TRIQK: variants seen among roughly 807,000 people sequenced by gnomAD.
TRIQK encodes triple QxxK/R motif-containing protein.
TRIQK carries 10 observed loss-of-function variants against 10.8 expected under a neutral mutation model. That is an observed-to-expected ratio of 0.92 (90% CI 0.57 to 1.57). The LOEUF (loss-of-function observed/expected upper bound fraction) is 1.57, where lower values mean the gene tolerates loss of function less well. TRIQK is among the 40% of genes most tolerant of loss of function. The pLI is 0.00. For missense variants in TRIQK, 107 were observed against 97.7 expected, an observed-to-expected ratio of 1.09 and a Z score of -0.40; for synonymous variants, 33 against 33.7, an observed-to-expected ratio of 0.98 and a Z score of 0.07.
At chr8:92,997,961 T>TTATGG (rs1349557643) in intron 1 of TRIQK, among the ~76,000 whole-genome samples, 4 of 152,038 alleles carry the variant, frequency 2.6e-5, no homozygotes, top group Admixed American at 6.5e-5. Context: ...TTTAGAAGTG[T>TTATGG]TATGGTACTC....
At chr8:92,935,403 C>T (rs941314005) in intron 2 of TRIQK, among the ~76,000 whole-genome samples, 5 of 151,516 alleles carry the variant, frequency 3.3e-5, no homozygotes, top group Admixed American at 6.6e-5. Context: ...GAAAATTCAC[C>T]GTCTACATAT....
chr8:92,927,334 G>C (rs1810494788), intron 2 of TRIQK, among the ~76,000 whole-genome samples: 1 of 151,946 alleles, frequency 6.6e-6, no homozygotes, highest in African/African-American at 2.4e-5. Context: ...TCTAAAGGTA[G>C]AAAAGGAAGT....
intron 1 of TRIQK, among the ~76,000 whole-genome samples, chr8:92,957,302 T>G (rs1436767033): frequency 6.6e-6 from 1 of 151,758 alleles, no homozygotes; most frequent in East Asian, 1.9e-4. Flanking sequence ...ATAAAATTAA[T>G]GTATGTACAT....
At position 92,886,583 on chromosome 8, in the gene TRIQK, G is replaced by T. The variant is rs775469162; in HGVS notation, c.*39C>A. On this transcript the variant is annotated 3_prime_UTR_variant, in exon 5 of 5. Coordinates refer to ENST00000521988, the MANE Select transcript of TRIQK (RefSeq NM_001171797.2). ...AGTTTTGGTCCCAAAAGGTGCTTTC[G>T]TAAAGTTATTTCTCTTTCATGCATT... The T allele has an allele frequency of 2.9e-5, 39 of 1,333,226 alleles. No individual in the cohort carries two copies. The highest frequency in any genetic ancestry group is 3.8e-5 in the Non-Finnish European group (38 of 990,452). 82.6% of individuals were successfully genotyped at this position (1,333,226 alleles called of 1,614,324 possible).
upstream of TRIQK, among the ~76,000 whole-genome samples, chr8:92,968,132 T>C (rs1306820868): frequency 6.6e-6 from 1 of 152,158 alleles, no homozygotes; most frequent in Non-Finnish European, 1.5e-5. Context: ...TTCTAGCAAA[T>C]TGAAATATAA....
At chr8:92,896,770 T>C (rs891816234) in intron 3 of TRIQK, among the ~76,000 whole-genome samples, 1 of 152,120 alleles carries the variant, frequency 6.6e-6, no homozygotes, top group Non-Finnish European at 1.5e-5. Context: ...CCTTTTGGAA[T>C]GGGAATGTCT....
chr8:92,988,746 T>C (rs1813064556), intron 1 of TRIQK, among the ~76,000 whole-genome samples: 1 of 152,226 alleles, frequency 6.6e-6, no homozygotes, highest in African/African-American at 2.4e-5. Context: ...AGGATACTTA[T>C]CTCTCTTAAC....
intron 1 of TRIQK, among the ~76,000 whole-genome samples, chr8:92,991,353 G>T (rs1374988870): frequency 6.6e-6 from 1 of 152,210 alleles, no homozygotes; most frequent in African/African-American, 2.4e-5. Flanking sequence ...GTTCCTGCCT[G>T]CCAGCTCTGA....
intron 2 of TRIQK, chr8:92,922,727 A>C (rs2130498897): frequency 6.6e-6 from 1 of 151,880 alleles, no homozygotes; most frequent in South Asian, 2.1e-4. Context: ...AAAGAATCTA[A>C]ATTTTCAGAG....
upstream of TRIQK, among the ~76,000 whole-genome samples, chr8:92,969,370 G>A (rs748741390): frequency 3.2e-4 from 49 of 151,918 alleles, no homozygotes; most frequent in Non-Finnish European, 6.0e-4. Context: ...TAATTCCATT[G>A]TAGTTAGAAA....
At chr8:92,969,021 C>G (rs1260517499), upstream of TRIQK, among the ~76,000 whole-genome samples, 1 of 152,156 alleles carries the variant, frequency 6.6e-6, no homozygotes, top group Non-Finnish European at 1.5e-5. Flanking sequence ...CTGCATATAG[C>G]TAGCCAGTTT....
chr8:93,007,818 T>C (rs1813289457), intron 1 of TRIQK, among the ~76,000 whole-genome samples: 1 of 152,198 alleles, frequency 6.6e-6, no homozygotes, highest in Non-Finnish European at 1.5e-5. Flanking sequence ...ACAAGCAATC[T>C]AATCCCTGTC....
chr8:93,016,781 C>G (rs948170129), intron 1 of TRIQK, among the ~76,000 whole-genome samples: 1 of 152,060 alleles, frequency 6.6e-6, no homozygotes, highest in African/African-American at 2.4e-5. Context: ...GAGGCAGCAG[C>G]AGGTGCGAAG....
In TRIQK at chr8:92,885,975, A is replaced by G. The variant is rs1168175780; in HGVS notation, c.*647T>C. Reference sequence around the variant, plus strand: ...GATCAACTGAGCTTCTATTTACACCAGTTCAGACAGCCCAAGAGGAAAAGA... The same window carrying G: ...GATCAACTGAGCTTCTATTTACACCGGTTCAGACAGCCCAAGAGGAAAAGA... On this transcript the variant is annotated 3_prime_UTR_variant, in exon 5 of 5. Coordinates refer to ENST00000521988, the MANE Select transcript of TRIQK (RefSeq NM_001171797.2). 2.6e-5 allele frequency: 4 copies of G among 151,720 alleles called. No homozygotes were observed. The highest frequency in any genetic ancestry group is 9.7e-5 in the African/African-American group (4 of 41,398). 9.4% of individuals were successfully genotyped at this position (151,720 alleles called of 1,614,324 possible).
intron 2 of TRIQK, among the ~76,000 whole-genome samples, chr8:92,944,505 A>G (rs1811423052): frequency 6.6e-6 from 1 of 152,186 alleles, no homozygotes; most frequent in Non-Finnish European, 1.5e-5. Context: ...AAGCATATAT[A>G]TGGAATGAAA....
chr8:92,919,105 C>A (rs1203608102), intron 2 of TRIQK, among the ~76,000 whole-genome samples: 1 of 151,578 alleles, frequency 6.6e-6, no homozygotes. Context: ...TGCCAGTACC[C>A]AATTGTTTCG....
intron 2 of TRIQK, among the ~76,000 whole-genome samples, chr8:92,937,160 C>T (rs1229417922): frequency 6.6e-6 from 1 of 151,744 alleles, no homozygotes; most frequent in South Asian, 2.1e-4. Flanking sequence ...CTCTGTATGT[C>T]TACATAATTT....
intron 3 of TRIQK, among the ~76,000 whole-genome samples, chr8:92,904,264 C>T (rs749739273): frequency 3.9e-5 from 6 of 152,064 alleles, no homozygotes; most frequent in African/African-American, 7.2e-5. Context: ...CAGCATGGTT[C>T]CCCAATATGT....
upstream of TRIQK, among the ~76,000 whole-genome samples, chr8:92,966,755 C>T (rs1230757803): frequency 6.6e-6 from 1 of 152,050 alleles, no homozygotes; most frequent in African/African-American, 2.4e-5. Flanking sequence ...AGCCTATGGA[C>T]AATGAAACAC....
Sources: gnomAD v4.1 joint callset for allele counts (sites outside exome capture counted in the v4.1 genomes callset) on GRCh38, gnomAD v4.1.1 for gene constraint, MANE v1.5 for transcripts, NCBI Gene and HGNC (gene_info 2026-07-23, HGNC 2026-07-21) for gene names.